PLOD2: variants seen among roughly 807,000 people sequenced by gnomAD.
PLOD2 encodes procollagen-lysine,2-oxoglutarate 5-dioxygenase 2, also known as lysine hydroxylase 2.
In PLOD2, 65 loss-of-function variants were observed where a neutral mutation model predicts 101.0. That is an observed-to-expected ratio of 0.64 (90% CI 0.53 to 0.79). The LOEUF (loss-of-function observed/expected upper bound fraction) is 0.79, where lower values mean the gene tolerates loss of function less well. PLOD2 is among the 30% of genes least tolerant of loss of function. The pLI is 0.00. For synonymous variants in PLOD2, 314 were observed against 302.9 expected (o/e 1.04, Z -0.38); for missense variants, 909 against 914.6 (o/e 0.99, Z 0.08).
At position 146,112,572 on chromosome 3, in the gene PLOD2, G is replaced by T. The variant is rs538059958; in HGVS notation, c.339-2124C>A. Among the ~76,000 whole-genome samples, 19 of 152,150 alleles carry T rather than the reference G, an allele frequency of 1.2e-4. No homozygotes were observed. The South Asian group carries it at 3.3e-3, about 27-fold the overall frequency. ...ATGCAGGGCTTAAAACCTAGATGAG[G>T]CCGGGCACAGTGGCTCATGCCTGCA... On this transcript the variant is annotated intron_variant, in intron 3 of 19. Coordinates refer to ENST00000282903, the MANE Select transcript of PLOD2 (RefSeq NM_182943.3).
chr3:146,132,797 A>C (rs554212316), intron 1 of PLOD2, among the ~76,000 whole-genome samples: 1 of 152,212 alleles, frequency 6.6e-6, no homozygotes, highest in Non-Finnish European at 1.5e-5. Context: ...TTTTTAAAAC[A>C]TACAGATTAT....
At chr3:146,107,514 T>C (rs1576599536) in intron 4 of PLOD2, among the ~76,000 whole-genome samples, 1 of 149,580 alleles carries the variant, frequency 6.7e-6, no homozygotes, top group South Asian at 2.1e-4. Flanking sequence ...CTTAAAAGAA[T>C]TAAAAAAATA....
intron 1 of PLOD2, among the ~76,000 whole-genome samples, chr3:146,148,338 G>GCACACA (rs71158220): frequency 0.039 from 5,652 of 146,398 alleles, 156 homozygotes; most frequent in African/African-American, 0.065. Flanking sequence ...AGGCAGGCAC[G>GCACACA]CACACACACA....
At chr3:146,081,950 T>C in intron 11 of PLOD2, 87 bp from the exon 12 acceptor site, 2 of 1,182,280 alleles carry the variant, frequency 1.7e-6, no homozygotes, top group Non-Finnish European at 2.4e-6. Context: ...ATTTTGGGCT[T>C]AGTATGACAT....
chr3:146,124,171 C>T lies in PLOD2; in HGVS notation c.168G>A (p.Met56Ile), dbSNP rs995575356. 2 of 1,592,858 alleles carry T rather than the reference C, an allele frequency of 1.3e-6. No individual in the cohort carries two copies. Among genetic ancestry groups the T allele is most frequent in the Admixed American group, 1.7e-5 (1 of 59,874 alleles). The change falls in exon 2 of 20, where the codon ATG becomes ATA. Residue 56 changes from methionine (M) to isoleucine (I), a missense_variant. Transcript: ENST00000282903. ...TKESDGFHRF[M>I]QSAKYFNYTV... ...TATAATTGAAATATTTGGCTGACTG[C>T]ATAAATCGATGGAATCCATCACTTT... is the stretch of plus-strand genomic sequence containing the variant.
In PLOD2 at chr3:146,134,347, T is replaced by C. The variant is rs142927225; in HGVS notation, c.110-10118A>G. Among the ~76,000 whole-genome samples, 27 of 152,270 alleles carry C rather than the reference T, an allele frequency of 1.8e-4. No homozygotes were observed. In the East Asian group the frequency reaches 5.2e-3, roughly 29 times the overall value. The stretch of plus-strand genomic sequence containing the variant: ...CAGAATTTATGACTTGGAAAACACA[T>C]TTGATCCCTTCAAATGTTATAAAAA... On this transcript the variant is annotated intron_variant, in intron 1 of 19. Coordinates refer to ENST00000282903, the MANE Select transcript of PLOD2 (RefSeq NM_182943.3).
Position 146,076,839 on chromosome 3 carries a change from A to G in PLOD2, c.1620T>C (p.Ala540=). 1.9e-6 allele frequency: 3 copies of G among 1,593,564 alleles called. No homozygotes were observed. The highest frequency in any genetic ancestry group is 2.6e-6 in the Non-Finnish European group (3 of 1,162,566). The change falls in exon 15 of 20, where the codon GCT becomes GCC. Residue 540 remains alanine, a synonymous_variant. Transcript: ENST00000282903. ...TGTTATAATGGGAAGTATTGTAATT[A>G]GCAGTGGATAATAGCCTTCCAAATT... ...RHEFGRLLST[A]NYNTSHYNND... is the part of the protein sequence containing the mutation.
At chr3:146,120,056 C>A (rs1170166470) in intron 3 of PLOD2, among the ~76,000 whole-genome samples, 1 of 151,092 alleles carries the variant, frequency 6.6e-6, no homozygotes, top group Non-Finnish European at 1.5e-5. Flanking sequence ...TACAGTCCCA[C>A]CAACAGTGTA....
chr3:146,102,088 T>C (rs1297372763), intron 7 of PLOD2, among the ~76,000 whole-genome samples: 1 of 152,228 alleles, frequency 6.6e-6, no homozygotes, highest in Non-Finnish European at 1.5e-5. Flanking sequence ...TTAATCCCTT[T>C]TCTAGGTACT....
chr3:146,160,688 C>T (rs920310402), intron 1 of PLOD2, 193 bp downstream of exon 1: 18 of 555,914 alleles, frequency 3.2e-5, no homozygotes, highest in Non-Finnish European at 5.1e-5. Flanking sequence ...TCAACGAGGG[C>T]GGGTGCCCCT....
chr3:146,107,463 T>C (rs1018191024), intron 4 of PLOD2, among the ~76,000 whole-genome samples: 2 of 152,086 alleles, frequency 1.3e-5, no homozygotes, highest in Admixed American at 1.3e-4. Flanking sequence ...TCCTGTGAGT[T>C]GAAGAAAAAT....
chr3:146,088,222 T>A (rs969550293), intron 9 of PLOD2, among the ~76,000 whole-genome samples: 1 of 151,612 alleles, frequency 6.6e-6, no homozygotes, highest in African/African-American at 2.4e-5. Context: ...GTTATTGTCT[T>A]AAATCACAAA....
intron 1 of PLOD2, among the ~76,000 whole-genome samples, chr3:146,141,292 T>C (rs553232078): frequency 2.8e-4 from 42 of 152,214 alleles, no homozygotes; most frequent in Admixed American, 5.9e-4. Context: ...AACTCTTCTG[T>C]GATTTATCTT....
chr3:146,097,670 G>A lies in PLOD2; in HGVS notation c.777+5085C>T, dbSNP rs1269813186. Among the ~76,000 whole-genome samples the A allele has an allele frequency of 6.5e-5, 8 of 123,724 alleles. 1 individual carries two copies. Among genetic ancestry groups the A allele is most frequent in the East Asian group, 4.5e-4 (2 of 4,432 alleles). 81.2% of individuals were successfully genotyped at this position (123,724 alleles called of 152,430 possible). A position where few individuals can be genotyped will look rare whatever the true frequency, so the allele number is the denominator to read the frequency against. On this transcript the variant is annotated intron_variant, in intron 7 of 19. Transcript: ENST00000282903. ...AGGGACACAAACACTGCGGAAGGCC[G>A]CAGGGTCCTCTGCCTAGGAAAACCA...
chr3:146,120,007 G>A (rs2029973950), intron 3 of PLOD2, among the ~76,000 whole-genome samples: 1 of 151,832 alleles, frequency 6.6e-6, no homozygotes, highest in African/African-American at 2.4e-5. Context: ...AGATCCCTGA[G>A]GAATCACCAC....
intron 1 of PLOD2, among the ~76,000 whole-genome samples, chr3:146,138,607 A>C (rs2108121046): frequency 6.6e-6 from 1 of 152,270 alleles, no homozygotes; most frequent in South Asian, 2.1e-4. Flanking sequence ...AAGGGAGGAC[A>C]GCAGGCATCC....
intron 1 of PLOD2, among the ~76,000 whole-genome samples, chr3:146,154,474 CA>C (rs35748974): frequency 0.34 from 47,553 of 140,868 alleles, 7,661 homozygotes; most frequent in South Asian, 0.43. Context: ...AAAAGAACAG[CA>C]AAAAAAAAAA....
chr3:146,145,917 A>G (rs2031751795), intron 1 of PLOD2, among the ~76,000 whole-genome samples: 1 of 152,164 alleles, frequency 6.6e-6, no homozygotes, highest in Non-Finnish European at 1.5e-5. Context: ...TAAGTCAAAC[A>G]AATATCATAA....
chr3:146,123,808 T>C (rs1374533985), intron 2 of PLOD2, among the ~76,000 whole-genome samples: 1 of 151,996 alleles, frequency 6.6e-6, no homozygotes, highest in Non-Finnish European at 1.5e-5. Flanking sequence ...AATTCAGAAA[T>C]TATTGTTTGA....
Sources: allele counts gnomAD v4.1 joint callset (sites outside exome capture counted in the v4.1 genomes callset), GRCh38; gene constraint gnomAD v4.1.1; transcripts MANE v1.5; gene names NCBI Gene and HGNC (gene_info 2026-07-23, HGNC 2026-07-21).